PIK3C2G: variants seen among roughly 807,000 people sequenced by gnomAD.
PIK3C2G encodes the protein phosphatidylinositol-4-phosphate 3-kinase catalytic subunit type 2 gamma, also known as phosphatidylinositol 3-kinase C2 domain-containing subunit gamma.
Under a neutral mutation model 181.1 loss-of-function variants are expected in PIK3C2G, and 168 were observed. That is an observed-to-expected ratio of 0.93 (90% CI 0.82 to 1.05). PIK3C2G has a LOEUF of 1.05. PIK3C2G is among the 50% of genes least tolerant of loss of function. The pLI, the probability that PIK3C2G is intolerant of heterozygous loss-of-function variation, is 0.00. For synonymous variants in PIK3C2G, 573 were observed against 592.2 expected, an observed-to-expected ratio of 0.97 and a Z score of 0.47; for missense variants, 1,869 against 1,732.8, an observed-to-expected ratio of 1.08 and a Z score of -1.40.
chr12:18,659,681 A>G, the PIK3C2G span, among the ~76,000 whole-genome samples: 1 of 48,588 alleles, frequency 2.1e-5, no homozygotes, highest in Non-Finnish European at 5.1e-5. Context: ...TTTTTTTTTT[A>G]CTATTATTAT....
chr12:18,452,958 A>G lies in PIK3C2G; in HGVS notation c.2504+28919A>G, dbSNP rs1947445458. Reference sequence around the variant, plus strand: ...TTTGTTATGATTTCCATTATTTTGCATTTGCTGAGGAGTGTTTTACTTCCA... The same window carrying G: ...TTTGTTATGATTTCCATTATTTTGCGTTTGCTGAGGAGTGTTTTACTTCCA... On this transcript the variant is annotated intron_variant, in intron 18 of 32. Transcript: ENST00000538779. 2.6e-5 allele frequency among the ~76,000 whole-genome samples: 4 copies of G among 152,120 alleles called. No homozygotes were observed. In the East Asian group the frequency reaches 7.7e-4, roughly 29 times the overall value.
rs1001156063 is a variant in PIK3C2G, at chr12:18,261,518, G to C, written c.-138G>C. ...TAGAAGTGTTTTAGCTTGTGTGAGCGTATTTGACTCTTGAAAAGAAATGAG... is the reference window on the plus strand; with the variant it reads ...TAGAAGTGTTTTAGCTTGTGTGAGCCTATTTGACTCTTGAAAAGAAATGAG... On this transcript the variant is annotated 5_prime_UTR_variant, in exon 1 of 33. Transcript: ENST00000538779. The C allele has an allele frequency of 2.6e-5, 4 of 152,024 alleles. No homozygotes were observed. Among genetic ancestry groups the C allele is most frequent in the African/African-American group, 9.7e-5 (4 of 41,410 alleles). The allele number at this position is 152,024 out of a possible 1,614,324, so 9.4% of individuals were successfully genotyped here.
At chr12:18,251,109 A>G (rs1040561722) in intron 1 of PIK3C2G, among the ~76,000 whole-genome samples, 1 of 151,990 alleles carries the variant, frequency 6.6e-6, no homozygotes, top group Non-Finnish European at 1.5e-5. Flanking sequence ...AGTAAAACAT[A>G]TGTAGCATTA....
At chr12:18,309,339 C>A (rs969564161) in intron 5 of PIK3C2G, among the ~76,000 whole-genome samples, 22 of 151,750 alleles carry the variant, frequency 1.4e-4, no homozygotes, top group African/African-American at 5.3e-4. Context: ...TTAATATTAG[C>A]ATTTTTCTCA....
the PIK3C2G span, among the ~76,000 whole-genome samples, chr12:18,690,469 C>T: frequency 3.3e-5 from 5 of 152,064 alleles, no homozygotes; most frequent in East Asian, 3.9e-4. Context: ...AGGTAATCTG[C>T]CCACCTCAGC....
At chr12:18,367,758 A>G (rs1054306444) in intron 12 of PIK3C2G, among the ~76,000 whole-genome samples, 12 of 151,332 alleles carry the variant, frequency 7.9e-5, no homozygotes, top group African/African-American at 2.9e-4. Flanking sequence ...GGGTTTCTCC[A>G]TGTTGGTCAG....
intron 6 of PIK3C2G, 39 bp from the exon 7 acceptor site, chr12:18,320,923 A>G: frequency 8.9e-7 from 1 of 1,126,248 alleles, no homozygotes; most frequent in Non-Finnish European, 1.3e-6. Context: ...ACTCATTCCT[A>G]TTCACTCAAT....
intron 30 of PIK3C2G, among the ~76,000 whole-genome samples, chr12:18,605,905 T>C (rs1947992080): frequency 6.6e-6 from 1 of 152,178 alleles, no homozygotes; most frequent in Non-Finnish European, 1.5e-5. Flanking sequence ...ATTGTCTCTA[T>C]GACCTTGGAC....
intron 8 of PIK3C2G, among the ~76,000 whole-genome samples, chr12:18,332,412 C>A (rs1398556134): frequency 6.6e-6 from 1 of 152,124 alleles, no homozygotes; most frequent in East Asian, 1.9e-4. Context: ...CTTAGGCAGA[C>A]TCTGTGTACT....
chr12:18,560,534 A>G (rs1409345585), intron 26 of PIK3C2G, among the ~76,000 whole-genome samples: 1 of 152,052 alleles, frequency 6.6e-6, no homozygotes, highest in Admixed American at 6.5e-5. Flanking sequence ...TAGAAGAGAC[A>G]TGGGAATAAA....
At chr12:18,574,089 C>T (rs1320579109) in intron 29 of PIK3C2G, among the ~76,000 whole-genome samples, 2 of 152,156 alleles carry the variant, frequency 1.3e-5, no homozygotes, top group African/African-American at 4.8e-5. Flanking sequence ...GTTCTCATAT[C>T]ATCATCCTGT....
intron 21 of PIK3C2G, among the ~76,000 whole-genome samples, chr12:18,496,723 T>C (rs763265929): frequency 6.6e-6 from 1 of 152,112 alleles, no homozygotes; most frequent in Non-Finnish European, 1.5e-5. Flanking sequence ...AATATGCCCG[T>C]CTTCCAGTTT....
Position 18,397,121 on chromosome 12 carries a change from C to A in PIK3C2G, c.2127-2538C>A, listed in dbSNP as rs564784596. ...TGTAGATAGAATAGAAAGCCAGAGA[C>A]CTATTTGTATGTTCAATTTATTTTT... On this transcript the variant is annotated intron_variant, in intron 15 of 32. Coordinates refer to ENST00000538779, the MANE Select transcript of PIK3C2G (RefSeq NM_001288772.2). Among the ~76,000 whole-genome samples, 20 of 151,924 alleles carry A rather than the reference C, an allele frequency of 1.3e-4. No homozygotes were observed. In the South Asian group the frequency reaches 3.7e-3, roughly 28 times the overall value.
chr12:18,454,194 A>G (rs1947510625), intron 18 of PIK3C2G, among the ~76,000 whole-genome samples: 1 of 152,176 alleles, frequency 6.6e-6, no homozygotes, highest in Admixed American at 6.6e-5. Context: ...AAAAATCTCA[A>G]CACCCTGATG....
At chr12:18,282,954 A>AT (rs1949285515) in intron 2 of PIK3C2G, among the ~76,000 whole-genome samples, 195 bp downstream of exon 2, 1 of 135,942 alleles carries the variant, frequency 7.4e-6, no homozygotes. Context: ...AATTAAAAAA[A>AT]AAATCATCTA....
intron 26 of PIK3C2G, among the ~76,000 whole-genome samples, chr12:18,555,915 C>T (rs1944985644): frequency 1.3e-5 from 2 of 152,218 alleles, no homozygotes; most frequent in Middle Eastern, 3.4e-3. Context: ...TTTAACTTCT[C>T]CTGGTCATTT....
chr12:18,662,153 T>C, the PIK3C2G span, among the ~76,000 whole-genome samples: 6 of 151,970 alleles, frequency 3.9e-5, no homozygotes, highest in South Asian at 4.1e-4. Flanking sequence ...AGGGTGAAGA[T>C]TGAAAAACCA....
intron 30 of PIK3C2G, among the ~76,000 whole-genome samples, chr12:18,608,681 C>T (rs1470952843): frequency 1.1e-4 from 16 of 152,000 alleles, no homozygotes. Context: ...ACGTTGTGCA[C>T]ATGTACCCTA....
the PIK3C2G span, chr12:18,696,330 A>T: frequency 1.8e-5 from 1 of 54,096 alleles, no homozygotes; most frequent in South Asian, 1.0e-3. Flanking sequence ...CACTATATAT[A>T]TATATATATA....
Sources: allele counts gnomAD v4.1 joint callset (sites outside exome capture counted in the v4.1 genomes callset), GRCh38; gene constraint gnomAD v4.1.1; transcripts MANE v1.5; gene names NCBI Gene and HGNC (gene_info 2026-07-23, HGNC 2026-07-21).